Variants in ST8SIA6 observed in about 807,000 individuals in gnomAD.
ST8SIA6 encodes the protein ST8 alpha-N-acetyl-neuraminide alpha-2,8-sialyltransferase 6, also known as alpha-2,8-sialyltransferase 8F.
A neutral mutation model predicts 33.6 loss-of-function variants in ST8SIA6; 39 were observed. That is an observed-to-expected ratio of 1.16 (90% CI 0.90 to 1.52). ST8SIA6 has a LOEUF of 1.52. Among genes scored for constraint, ST8SIA6 ranks in the 40% most tolerant of loss-of-function variants. The pLI, the probability that ST8SIA6 is intolerant of heterozygous loss-of-function variation, is 0.00. For missense variants in ST8SIA6, 441 were observed against 443.8 expected (o/e 0.99, Z 0.06); for synonymous variants, 172 against 167.2 (o/e 1.03, Z -0.22).
chr10:17,380,857 G>A (rs1564433241), intron 3 of ST8SIA6, among the ~76,000 whole-genome samples: 3 of 151,806 alleles, frequency 2.0e-5, no homozygotes, highest in African/African-American at 7.3e-5. Context: ...GTGTGTTTGT[G>A]TGTATGTGTT....
chr10:17,341,582 G>A (rs1267702803), intron 4 of ST8SIA6, among the ~76,000 whole-genome samples: 1 of 151,998 alleles, frequency 6.6e-6, no homozygotes, highest in Non-Finnish European at 1.5e-5. Flanking sequence ...CATGAAGGTG[G>A]AGCTCTGATG....
rs775620137 is a variant in ST8SIA6, at chr10:17,320,604, T to C, written c.*274A>G. On this transcript the variant is annotated 3_prime_UTR_variant, in exon 8 of 8. Coordinates refer to ENST00000377602, the MANE Select transcript of ST8SIA6 (RefSeq NM_001004470.3). ...TAGTAAGAAAGAAATATTCTTTGAG[T>C]CCCTACCTCACACCAAAGGCCATGC... The C allele has an allele frequency of 5.4e-5, 22 of 407,004 alleles. No homozygotes were observed. Among genetic ancestry groups the C allele is most frequent in the Non-Finnish European group, 7.5e-5 (17 of 226,226 alleles). The allele number at this position is 407,004 out of a possible 1,614,324, so 25.2% of individuals were successfully genotyped here. A position where few individuals can be genotyped will look rare whatever the true frequency, so the allele number is the denominator to read the frequency against.
At position 17,356,835 on chromosome 10, in the gene ST8SIA6, C is replaced by T. The variant is rs1849207105; in HGVS notation, c.377+2679G>A. On this transcript the variant is annotated intron_variant, in intron 4 of 7. Transcript: ENST00000377602. ...CATGGACCAGCCATCTATACAGATTCTATACCTCATAATCTGCAGCAGTGA... is the reference window on the plus strand; with the variant it reads ...CATGGACCAGCCATCTATACAGATTTTATACCTCATAATCTGCAGCAGTGA... Among the ~76,000 whole-genome samples, 3 of 151,778 alleles carry T rather than the reference C, an allele frequency of 2.0e-5. No homozygotes were observed. In the South Asian group the frequency reaches 6.2e-4, roughly 31 times the overall value.
intron 4 of ST8SIA6, among the ~76,000 whole-genome samples, chr10:17,352,164 T>C (rs1249352039): frequency 6.6e-6 from 1 of 152,118 alleles, no homozygotes; most frequent in African/African-American, 2.4e-5. Context: ...AGATACAATA[T>C]TCATCAATTA....
chr10:17,391,559 G>A (rs1850615138), intron 2 of ST8SIA6, among the ~76,000 whole-genome samples: 1 of 152,216 alleles, frequency 6.6e-6, no homozygotes, highest in African/African-American at 2.4e-5. Flanking sequence ...ACCGCTCCCA[G>A]TCGCGTTTAT....
chr10:17,450,079 A>T (rs1014990276), intron 2 of ST8SIA6, among the ~76,000 whole-genome samples: 1 of 152,170 alleles, frequency 6.6e-6, no homozygotes, highest in Non-Finnish European at 1.5e-5. Context: ...AATAGGTGAG[A>T]GGTGGCTGTG....
chr10:17,451,956 T>C (rs1852927390), intron 2 of ST8SIA6, among the ~76,000 whole-genome samples: 1 of 152,126 alleles, frequency 6.6e-6, no homozygotes, highest in Non-Finnish European at 1.5e-5. Flanking sequence ...AAGAAGTATG[T>C]CAAAAGAAAG....
chr10:17,349,741 GAAAC>G (rs1362345741), intron 4 of ST8SIA6, among the ~76,000 whole-genome samples: 2 of 152,100 alleles, frequency 1.3e-5, no homozygotes, highest in Non-Finnish European at 2.9e-5. Context: ...TAAAATGCCT[GAAAC>G]AAACAAGACA....
At position 17,318,702 on chromosome 10, in the gene ST8SIA6, A is replaced by G. The variant is rs919488355; in HGVS notation, c.*2176T>C. The G allele has an allele frequency of 3.6e-5, 17 of 471,050 alleles. No homozygotes were observed. The highest frequency in any genetic ancestry group is 6.2e-5 in the Non-Finnish European group (14 of 227,082). The allele number at this position is 471,050 out of a possible 1,614,324, so 29.2% of individuals were successfully genotyped here. On this transcript the variant is annotated 3_prime_UTR_variant, in exon 8 of 8. Coordinates refer to ENST00000377602, the MANE Select transcript of ST8SIA6 (RefSeq NM_001004470.3). The stretch of plus-strand genomic sequence containing the variant: ...TGTGGCGAATCTACAAATCTACAAG[A>G]TGGAGTTTATAGTTTTTCTTTTTGT...
At chr10:17,411,677 A>G (rs930468946) in intron 2 of ST8SIA6, among the ~76,000 whole-genome samples, 1 of 152,186 alleles carries the variant, frequency 6.6e-6, no homozygotes, top group Non-Finnish European at 1.5e-5. Context: ...GGCAGAGCCC[A>G]GGTGCTTTGT....
intron 3 of ST8SIA6, among the ~76,000 whole-genome samples, chr10:17,363,631 C>T (rs1442076524): frequency 6.6e-6 from 1 of 152,290 alleles, no homozygotes; most frequent in African/African-American, 2.4e-5. Flanking sequence ...GGAGTTGGCT[C>T]ATACAAGCTT....
rs758301749 is a variant in ST8SIA6 at position 17,390,613 on chromosome 10, G to C, written c.208C>G (p.Leu70Val). Residue 70 changes from leucine to valine, a missense_variant, in exon 3 of 8, where the codon CTG becomes GTG. Transcript: ENST00000377602. ...GTCAGTTGGAGCGACTTCTCATTCAGATATGTGCTGTTTCATGAAAGAGAT... is the reference window on the plus strand; with the variant it reads ...GTCAGTTGGAGCGACTTCTCATTCACATATGTGCTGTTTCATGAAAGAGAT... ...AVPRATNSTY[L>V]NEKSLQLTEK... 2.5e-6 allele frequency: 4 copies of C among 1,612,124 alleles called. No homozygotes were observed. Among genetic ancestry groups the C allele is most frequent in the Non-Finnish European group, 3.4e-6 (4 of 1,178,856 alleles).
chr10:17,342,515 G>C (rs1365353257), intron 4 of ST8SIA6, among the ~76,000 whole-genome samples: 3 of 152,222 alleles, frequency 2.0e-5, no homozygotes, highest in African/African-American at 7.2e-5. Flanking sequence ...AGTGGAAGGA[G>C]ATCAGAGGGA....
intron 7 of ST8SIA6, 32 bp downstream of exon 7, chr10:17,323,033 C>A: frequency 1.3e-6 from 2 of 1,562,716 alleles, no homozygotes; most frequent in South Asian, 1.1e-5. Flanking sequence ...AAAAAGTGTT[C>A]CTGATCAGTT....
At position 17,316,504 on chromosome 10, in the gene ST8SIA6, G is replaced by A. The variant is rs1043556012; in HGVS notation, c.*4374C>T. On this transcript the variant is annotated 3_prime_UTR_variant, in exon 8 of 8. Coordinates refer to ENST00000377602, the MANE Select transcript of ST8SIA6 (RefSeq NM_001004470.3). ...TGTTTTTTTGTGTGGATCAGAACAG[G>A]TCCTCTTGGCTGTATATGCAAAAGT... 1.8e-4 allele frequency among the ~76,000 whole-genome samples: 28 copies of A among 151,828 alleles called. No individual in the cohort carries two copies. The highest frequency in any genetic ancestry group is 6.8e-4 in the African/African-American group (28 of 41,326).
At chr10:17,359,374 G>C in intron 4 of ST8SIA6, 140 bp downstream of exon 4, 1 of 571,972 alleles carries the variant, frequency 1.7e-6, no homozygotes, top group Non-Finnish European at 3.1e-6. Context: ...TGCCTCATGA[G>C]AGGGTCTTAG....
intron 2 of ST8SIA6, among the ~76,000 whole-genome samples, chr10:17,419,823 C>A (rs1289804533): frequency 6.6e-6 from 1 of 152,188 alleles, no homozygotes; most frequent in Non-Finnish European, 1.5e-5. Flanking sequence ...AATCTTCTTA[C>A]AACTTCACAG....
intron 2 of ST8SIA6, among the ~76,000 whole-genome samples, chr10:17,428,267 T>TTCCCC (rs1851996759): frequency 6.6e-6 from 1 of 152,160 alleles, no homozygotes; most frequent in African/African-American, 2.4e-5. Flanking sequence ...CCATCGGCCC[T>TTCCCC]TCCCCTCCCC....
At chr10:17,378,852 C>T (rs1850009327) in intron 3 of ST8SIA6, among the ~76,000 whole-genome samples, 1 of 152,122 alleles carries the variant, frequency 6.6e-6, no homozygotes, top group Non-Finnish European at 1.5e-5. Flanking sequence ...TTCAGCCAGG[C>T]ACGGTGGCTC....
Sources: allele counts gnomAD v4.1 joint callset (sites outside exome capture counted in the v4.1 genomes callset), GRCh38; gene constraint gnomAD v4.1.1; transcripts MANE v1.5; gene names NCBI Gene and HGNC (gene_info 2026-07-23, HGNC 2026-07-21).